ANKFN1: variants seen among roughly 807,000 people sequenced by gnomAD.
ANKFN1 encodes ankyrin repeat and fibronectin type-III domain-containing protein 1.
A neutral mutation model predicts 108.7 loss-of-function variants in ANKFN1; 74 were observed. That is an observed-to-expected ratio of 0.68 (90% CI 0.56 to 0.83). The LOEUF is 0.83. Ranked by LOEUF, ANKFN1 falls within the 40% of genes least tolerant of loss-of-function variation. The pLI, the probability that ANKFN1 is intolerant of heterozygous loss-of-function variation, is 0.00. For missense variants in ANKFN1, 1,505 were observed against 1,382.3 expected, an observed-to-expected ratio of 1.09 and a Z score of -1.41; for synonymous variants, 547 against 516.2, an observed-to-expected ratio of 1.06 and a Z score of -0.81.
chr17:56,436,919 C>T (rs1477065095), intron 8 of ANKFN1, among the ~76,000 whole-genome samples: 4 of 151,990 alleles, frequency 2.6e-5, no homozygotes, highest in Non-Finnish European at 5.9e-5. Flanking sequence ...TCTTTAAATG[C>T]CCAGAAATTC....
At position 56,510,991 on chromosome 17, in the gene ANKFN1, G is replaced by A. The variant is rs1306509575; in HGVS notation, c.3163G>A (p.Gly1055Ser). 2 of 1,535,960 alleles carry A rather than the reference G, an allele frequency of 1.3e-6. No homozygotes were observed. Among genetic ancestry groups the A allele is most frequent in the South Asian group, 1.2e-5 (1 of 84,036 alleles). Residue 1055 changes from glycine to serine, a missense_variant, in exon 21 of 21, where the codon GGC (glycine) becomes AGC (serine). By Grantham distance (56) the Gly-to-Ser change is moderately conservative. Coordinates refer to ENST00000682825, the MANE Select transcript of ANKFN1 (RefSeq NM_001370326.1). ...GGAGCCCAAGGAGGCCAAGCGGGCC[G>A]GCCCTGCCCTTGATGATCCCAGGGG... Reference protein sequence around the residue: ...AQEPKEAKRAGPALDDPRGLT... With the variant: ...AQEPKEAKRASPALDDPRGLT...
At chr17:56,384,257 G>GAC (rs2047193803) in intron 8 of ANKFN1, among the ~76,000 whole-genome samples, 2 of 152,144 alleles carry the variant, frequency 1.3e-5, no homozygotes, top group Non-Finnish European at 2.9e-5. Flanking sequence ...ATGCAGAACA[G>GAC]GCCTTTGATA....
chr17:56,109,373 T>C (rs1210502567), intron 4 of ANKFN1, among the ~76,000 whole-genome samples: 1 of 151,984 alleles, frequency 6.6e-6, no homozygotes, highest in African/African-American at 2.4e-5. Context: ...GGCCAGATAA[T>C]TCTTTGTTGT....
At chr17:56,193,936 A>T (rs1488712214) in intron 1 of ANKFN1, among the ~76,000 whole-genome samples, 1 of 152,272 alleles carries the variant, frequency 6.6e-6, no homozygotes, top group African/African-American at 2.4e-5. Flanking sequence ...AGAAGAAAAC[A>T]TACAAGTTTA....
At chr17:56,087,084 A>G (rs774168844) in intron 4 of ANKFN1, among the ~76,000 whole-genome samples, 2 of 151,296 alleles carry the variant, frequency 1.3e-5, no homozygotes, top group Non-Finnish European at 3.0e-5. Flanking sequence ...ACTACTGAGG[A>G]GAGTAGCTCA....
chr17:56,394,745 A>G (rs957755969), intron 8 of ANKFN1, among the ~76,000 whole-genome samples: 2 of 152,096 alleles, frequency 1.3e-5, no homozygotes, highest in African/African-American at 4.8e-5. Context: ...TGACTACCCA[A>G]CTGGACACGC....
Position 56,420,520 on chromosome 17 carries a change from G to A in ANKFN1, c.911-19807G>A, listed in dbSNP as rs559706208. 2.0e-5 allele frequency among the ~76,000 whole-genome samples: 3 copies of A among 152,086 alleles called. No individual in the cohort carries two copies. The East Asian group carries it at 5.8e-4, about 29-fold the overall frequency. On this transcript the variant is annotated intron_variant, in intron 8 of 20. Transcript: ENST00000682825. ...ATATACTATCTTTAGTATGAAAGCA[G>A]TGAAATTATACCTAGGGTGCAGGTA...
At chr17:56,212,310 T>C (rs1297078133) in intron 1 of ANKFN1, among the ~76,000 whole-genome samples, 1 of 152,172 alleles carries the variant, frequency 6.6e-6, no homozygotes, top group Non-Finnish European at 1.5e-5. Context: ...GTACTTTTTG[T>C]TTTTAATTCT....
intron 8 of ANKFN1, among the ~76,000 whole-genome samples, chr17:56,403,589 T>C (rs1413857270): frequency 1.3e-5 from 2 of 152,194 alleles, no homozygotes; most frequent in East Asian, 3.8e-4. Context: ...GGTTGGTGAG[T>C]TCTTATCCAT....
At chr17:56,284,102 T>G (rs2044154966) in intron 3 of ANKFN1, among the ~76,000 whole-genome samples, 1 of 152,206 alleles carries the variant, frequency 6.6e-6, no homozygotes, top group Non-Finnish European at 1.5e-5. Context: ...TCATAGAGAT[T>G]TGGAAAATGT....
At chr17:56,496,231 A>C (rs2051197413) in intron 19 of ANKFN1, among the ~76,000 whole-genome samples, 1 of 152,152 alleles carries the variant, frequency 6.6e-6, no homozygotes, top group Non-Finnish European at 1.5e-5. Context: ...AAAAATTAAG[A>C]AGTAAATATT....
chr17:56,363,846 G>A (rs574210237), intron 6 of ANKFN1, among the ~76,000 whole-genome samples: 2 of 152,268 alleles, frequency 1.3e-5, no homozygotes, highest in Admixed American at 1.3e-4. Context: ...AATGTCTCAT[G>A]TTCTCACTTA....
At chr17:56,326,149 A>G (rs1205056977) in intron 3 of ANKFN1, 72 bp from the exon 4 acceptor site, 7 of 1,513,240 alleles carry the variant, frequency 4.6e-6, no homozygotes, top group Non-Finnish European at 5.3e-6. Flanking sequence ...TTTTGCATTA[A>G]GAGTATCTTC....
intron 3 of ANKFN1, among the ~76,000 whole-genome samples, chr17:56,303,987 T>C (rs553463263): frequency 4.2e-4 from 63 of 151,746 alleles, no homozygotes; most frequent in Non-Finnish European, 1.5e-4. Context: ...TGAGCCACCA[T>C]ACCTGGCCAG....
intron 8 of ANKFN1, among the ~76,000 whole-genome samples, chr17:56,437,531 A>G (rs1054773257): frequency 1.3e-5 from 2 of 152,106 alleles, no homozygotes; most frequent in Non-Finnish European, 2.9e-5. Context: ...ATTTTCCTAT[A>G]TTCTTTGCTC....
In ANKFN1 at chr17:56,431,559, C is replaced by G. The variant is rs76178207; in HGVS notation, c.911-8768C>G. On this transcript the variant is annotated intron_variant, in intron 8 of 20. Transcript: ENST00000682825. ...TAAGTCAAACCCACTCAATCTGAGC[C>G]CCGATTCTGTACTTCTACAAGAGAA... Among the ~76,000 whole-genome samples the G allele has an allele frequency of 9.8e-3, 1,499 of 152,232 alleles. 23 individuals are homozygous for G. The highest frequency in any genetic ancestry group is 0.034 in the African/African-American group (1,418 of 41,536).
chr17:56,160,368 TAC>T (rs1337057915), intron 1 of ANKFN1, among the ~76,000 whole-genome samples: 2 of 152,248 alleles, frequency 1.3e-5, no homozygotes, highest in South Asian at 2.1e-4. Context: ...TGGTCCTTGT[TAC>T]ACAGTTTTTC....
chr17:56,152,303 T>TGTGTGTGTGTGTGTGTGTGTGTG (rs1908704082), upstream of ANKFN1, among the ~76,000 whole-genome samples: 1 of 150,670 alleles, frequency 6.6e-6, no homozygotes, highest in Non-Finnish European at 1.5e-5. Context: ...TGTGTGTGTG[T>TGTGTGTGTGTGTGTGTGTGTGTG]TTAATTTTTC....
intron 2 of ANKFN1, among the ~76,000 whole-genome samples, chr17:56,220,590 G>GT (rs1915758385): frequency 6.6e-6 from 1 of 151,970 alleles, no homozygotes; most frequent in Non-Finnish European, 1.5e-5. Flanking sequence ...GACCAGGGAG[G>GT]TTGAGGCTGC....
Sources: allele counts gnomAD v4.1 joint callset (sites outside exome capture counted in the v4.1 genomes callset), GRCh38; gene constraint gnomAD v4.1.1; transcripts MANE v1.5; gene names NCBI Gene and HGNC (gene_info 2026-07-23, HGNC 2026-07-21).